Variants in CNTN5 observed in about 807,000 individuals in gnomAD.
CNTN5 encodes contactin 5.
CNTN5 carries 77 observed loss-of-function variants against 129.1 expected under a neutral mutation model. The observed-to-expected ratio is 0.60, with a 90% CI of 0.50 to 0.72. CNTN5 has a LOEUF of 0.72. CNTN5 is among the 30% of genes least tolerant of loss of function. The pLI, the probability that CNTN5 is intolerant of heterozygous loss-of-function variation, is 0.00. For missense variants in CNTN5, 1,478 were observed against 1,328.8 expected, an observed-to-expected ratio of 1.11 and a Z score of -1.75; for synonymous variants, 509 against 465.6, an observed-to-expected ratio of 1.09 and a Z score of -1.20.
chr11:99,559,772 A>G (rs1226148022), intron 3 of CNTN5, among the ~76,000 whole-genome samples: 2 of 152,212 alleles, frequency 1.3e-5, no homozygotes, highest in Admixed American at 1.3e-4. Context: ...CCAGAGATTT[A>G]GTAATAATAA....
At chr11:99,929,799 A>G (rs2120165) in intron 7 of CNTN5, among the ~76,000 whole-genome samples, 139,190 of 151,976 alleles carry the variant, frequency 0.92, 63,790 homozygotes, top group East Asian at 1. Flanking sequence ...CAGTCAAACC[A>G]TATCACCTAT....
intron 18 of CNTN5, among the ~76,000 whole-genome samples, chr11:100,278,488 C>A (rs1950564888): frequency 6.6e-6 from 1 of 151,854 alleles, no homozygotes; most frequent in African/African-American, 2.4e-5. Context: ...CAATGTATTG[C>A]ATCAGTTTTA....
At chr11:100,157,121 A>G (rs569508959) in intron 13 of CNTN5, among the ~76,000 whole-genome samples, 1 of 151,674 alleles carries the variant, frequency 6.6e-6, no homozygotes, top group South Asian at 2.1e-4. Context: ...CTTTCTTTTT[A>G]TCACTTTTCT....
At chr11:99,846,470 A>T (rs1288341088) in intron 6 of CNTN5, among the ~76,000 whole-genome samples, 1 of 151,948 alleles carries the variant, frequency 6.6e-6, no homozygotes, top group South Asian at 2.1e-4. Flanking sequence ...AATTAAAAAT[A>T]GGCTAATAGG....
chr11:99,556,334 G>A, intron 3 of CNTN5, 65 bp downstream of exon 3: 3 of 967,184 alleles, frequency 3.1e-6, no homozygotes, highest in South Asian at 1.6e-5. Flanking sequence ...ATATATCAAG[G>A]TCTCCATTAC....
intron 3 of CNTN5, among the ~76,000 whole-genome samples, chr11:99,796,124 C>G (rs752662924): frequency 6.6e-6 from 1 of 152,144 alleles, no homozygotes; most frequent in African/African-American, 2.4e-5. Flanking sequence ...AATCACACTG[C>G]TAGCAGTGTT....
At chr11:100,081,560 A>G (rs1013993093) in intron 13 of CNTN5, among the ~76,000 whole-genome samples, 17 of 152,288 alleles carry the variant, frequency 1.1e-4, no homozygotes, top group African/African-American at 3.8e-4. Flanking sequence ...CTTTTTGGAC[A>G]TTATGAATCC....
chr11:100,346,417 T>C (rs1211452531), intron 23 of CNTN5, among the ~76,000 whole-genome samples: 1 of 152,144 alleles, frequency 6.6e-6, no homozygotes, highest in African/African-American at 2.4e-5. Flanking sequence ...AACCATTTTA[T>C]CTCCACCTTA....
intron 3 of CNTN5, among the ~76,000 whole-genome samples, chr11:99,684,292 T>C (rs1353753748): frequency 1.3e-5 from 2 of 151,988 alleles, no homozygotes; most frequent in African/African-American, 2.4e-5. Flanking sequence ...ATTTTCACTA[T>C]ACCATATATA....
At position 99,414,455 on chromosome 11, in the gene CNTN5, G is replaced by GTA. The variant is rs200720118; in HGVS notation, c.-71+88973_-71+88974dup. On this transcript the variant is annotated intron_variant, in intron 2 of 24. Coordinates refer to ENST00000524871, the MANE Select transcript of CNTN5 (RefSeq NM_014361.4). ...AGCAGAAAATTATATACATATGTGT[G>GTA]TATGTATGCAGAATATATATAGAAT... Among the ~76,000 whole-genome samples the GTA allele has an allele frequency of 6.3e-3, 949 of 151,786 alleles. 8 individuals are homozygous for GTA. Among genetic ancestry groups the GTA allele is most frequent in the Non-Finnish European group, 9.2e-3 (626 of 67,950 alleles).
intron 2 of CNTN5, among the ~76,000 whole-genome samples, chr11:99,537,075 A>C (rs1259056068): frequency 6.6e-6 from 1 of 152,142 alleles, no homozygotes; most frequent in Non-Finnish European, 1.5e-5. Context: ...TGTGGTTAGA[A>C]GCTACCACAG....
chr11:100,110,380 T>A (rs1945612250), intron 13 of CNTN5, among the ~76,000 whole-genome samples: 1 of 152,110 alleles, frequency 6.6e-6, no homozygotes, highest in African/African-American at 2.4e-5. Flanking sequence ...AGGGCAATTA[T>A]AAGAAATTCT....
chr11:99,080,980 GTTTT>G (rs766619743), intron 1 of CNTN5, among the ~76,000 whole-genome samples: 1 of 112,460 alleles, frequency 8.9e-6, no homozygotes, highest in African/African-American at 3.3e-5. Flanking sequence ...TGAGAAATCA[GTTTT>G]TTTTTTTTTT....
In CNTN5 at chr11:99,898,363, G is replaced by C. The variant is rs564275373; in HGVS notation, c.578-17691G>C. 1.2e-4 allele frequency among the ~76,000 whole-genome samples: 19 copies of C among 152,034 alleles called. No individual in the cohort carries two copies. In the East Asian group the frequency reaches 3.3e-3, roughly 26 times the overall value. ...GAGAAGATTCAAATAAGTACAATTG[G>C]AAATGATTAAGGTGACATCACAACT... On this transcript the variant is annotated intron_variant, in intron 6 of 24. Transcript: ENST00000524871.
chr11:99,649,241 A>G (rs1952072891), intron 3 of CNTN5, among the ~76,000 whole-genome samples: 1 of 151,786 alleles, frequency 6.6e-6, no homozygotes, highest in Non-Finnish European at 1.5e-5. Flanking sequence ...GCATGTTTAT[A>G]TAGAAGTATC....
chr11:99,230,760 C>G (rs977671037), intron 1 of CNTN5, among the ~76,000 whole-genome samples: 3 of 152,084 alleles, frequency 2.0e-5, no homozygotes, highest in Admixed American at 2.0e-4. Context: ...CAAACCATCA[C>G]ATAGGTATTA....
At chr11:100,175,322 C>T (rs1947932010) in intron 13 of CNTN5, among the ~76,000 whole-genome samples, 1 of 152,016 alleles carries the variant, frequency 6.6e-6, no homozygotes, top group Non-Finnish European at 1.5e-5. Flanking sequence ...TATGCTAGGT[C>T]TTTGTAAGTG....
rs890433797 is a variant in CNTN5, at chr11:100,086,282, C to T, written c.1580+11988C>T. 1.1e-4 allele frequency among the ~76,000 whole-genome samples: 16 copies of T among 150,012 alleles called. 1 individual carries two copies. The highest frequency in any genetic ancestry group is 3.2e-3 in the Middle Eastern group (1 of 314). ...ACCAAAGAGAAAAGAATTAAAGTTA[C>T]GACTTAAATATAAAATATATAAATA... On this transcript the variant is annotated intron_variant, in intron 13 of 24. Transcript: ENST00000524871.
rs187545874 is a variant in CNTN5, at chr11:99,667,055, C to G, written c.55+110786C>G. On this transcript the variant is annotated intron_variant, in intron 3 of 24. Transcript: ENST00000524871. ...AGTATCATAATTAAATTTTGTGATG[C>G]TATTAGGATGTGACACATTTAGAGT... 4.0e-3 allele frequency among the ~76,000 whole-genome samples: 612 copies of G among 151,464 alleles called. 17 individuals are homozygous for G. Among genetic ancestry groups the G allele is most frequent in the Admixed American group, 0.037 (562 of 15,198 alleles).
Sources: gnomAD v4.1 joint callset for allele counts (sites outside exome capture counted in the v4.1 genomes callset) on GRCh38, gnomAD v4.1.1 for gene constraint, MANE v1.5 for transcripts, NCBI Gene and HGNC (gene_info 2026-07-23, HGNC 2026-07-21) for gene names.